The following RPSA2 variants were observed in gnomAD, a reference collection of about 807,000 sequenced individuals.
RPSA2 encodes small ribosomal subunit protein uS2B.
the RPSA2 span, among the ~76,000 whole-genome samples, chr19:23,870,206 T>C: frequency 6.6e-6 from 1 of 152,202 alleles, no homozygotes; most frequent in Non-Finnish European, 1.5e-5. Flanking sequence ...TCTGCTGTAA[T>C]GTCCTCTGTA....
chr19:23,834,487 C>T, the RPSA2 span, among the ~76,000 whole-genome samples: 2 of 151,792 alleles, frequency 1.3e-5, no homozygotes, highest in African/African-American at 4.8e-5. Context: ...AGTAGAGAGG[C>T]TCTTTGTGGT....
At chr19:23,797,959 A>G in the RPSA2 span, among the ~76,000 whole-genome samples, 1 of 152,154 alleles carries the variant, frequency 6.6e-6, no homozygotes, top group Non-Finnish European at 1.5e-5. Flanking sequence ...TCTTACTAAA[A>G]TCTCTTTTCT....
chr19:23,762,394 G>T, the RPSA2 span, among the ~76,000 whole-genome samples: 2 of 151,822 alleles, frequency 1.3e-5, no homozygotes, highest in South Asian at 2.1e-4. Context: ...TGTCCAAATG[G>T]GCAGGGCGCG....
chr19:23,799,826 A>G, the RPSA2 span, among the ~76,000 whole-genome samples: 1 of 152,260 alleles, frequency 6.6e-6, no homozygotes, highest in African/African-American at 2.4e-5. Context: ...GTCATTGAAT[A>G]TAACCAATTA....
the RPSA2 span, among the ~76,000 whole-genome samples, chr19:23,823,205 C>T: frequency 1.3e-5 from 2 of 152,194 alleles, no homozygotes; most frequent in African/African-American, 4.8e-5. Flanking sequence ...TCTTAAAGTT[C>T]CTTAACATAC....
the RPSA2 span, among the ~76,000 whole-genome samples, chr19:23,848,502 T>C: frequency 0.98 from 148,887 of 152,222 alleles, 72,906 homozygotes; most frequent in Middle Eastern, 1. Flanking sequence ...TGATCTAATG[T>C]ATAACTCCAG....
the RPSA2 span, among the ~76,000 whole-genome samples, chr19:23,761,931 T>TCCTTCCTTCCTTCCTTCCTTCC: frequency 1.6e-5 from 1 of 61,694 alleles, no homozygotes; most frequent in African/African-American, 7.5e-5. Flanking sequence ...TTTTTTTTTT[T>TCCTTCCTTCCTTCCTTCCTTCC]TTTTGAGATG....
the RPSA2 span, among the ~76,000 whole-genome samples, chr19:23,794,831 C>T: frequency 6.6e-6 from 1 of 152,104 alleles, no homozygotes; most frequent in African/African-American, 2.4e-5. Flanking sequence ...ATAAATATTT[C>T]AGCCTTTAAT....
At chr19:23,832,284 T>G in the RPSA2 span, 1 of 452,304 alleles carries the variant, frequency 2.2e-6, no homozygotes, top group South Asian at 1.7e-5. Context: ...ATAAGAGAAT[T>G]CATACTAGAG....
the RPSA2 span, among the ~76,000 whole-genome samples, chr19:23,778,343 G>A: frequency 6.6e-6 from 1 of 152,300 alleles, no homozygotes; most frequent in South Asian, 2.1e-4. Context: ...CTCCCAAGTA[G>A]CTGGGATTAC....
chr19:23,829,370 T>C, the RPSA2 span, among the ~76,000 whole-genome samples: 2 of 152,268 alleles, frequency 1.3e-5, no homozygotes, highest in African/African-American at 4.8e-5. Context: ...GCATTGATCT[T>C]GGCTCACCGC....
the RPSA2 span, among the ~76,000 whole-genome samples, chr19:23,797,161 G>T: frequency 2.6e-5 from 4 of 152,182 alleles, no homozygotes; most frequent in East Asian, 5.8e-4. Flanking sequence ...CCCAGGCCAA[G>T]TGCAATGGCA....
At chr19:23,781,903 G>A in the RPSA2 span, among the ~76,000 whole-genome samples, 1 of 152,124 alleles carries the variant, frequency 6.6e-6, no homozygotes, top group Non-Finnish European at 1.5e-5. Flanking sequence ...CCAGACCCTT[G>A]GTAATGTGAT....
At chr19:23,848,182 T>C in the RPSA2 span, among the ~76,000 whole-genome samples, 7 of 152,194 alleles carry the variant, frequency 4.6e-5, no homozygotes, top group African/African-American at 1.7e-4. Context: ...TATAAGAGTA[T>C]TATTTGGGAA....
chr19:23,860,566 G>T, the RPSA2 span, among the ~76,000 whole-genome samples: 3 of 152,122 alleles, frequency 2.0e-5, no homozygotes, highest in East Asian at 5.8e-4. Context: ...CTGGTACCAG[G>T]TGTAGATGTC....
the RPSA2 span, among the ~76,000 whole-genome samples, chr19:23,790,151 A>T: frequency 7.2e-5 from 11 of 152,070 alleles, no homozygotes; most frequent in African/African-American, 2.7e-4. Flanking sequence ...GGCGCCCGCC[A>T]CTGTGCCCGG....
chr19:23,863,770 GAAAT>G, the RPSA2 span, among the ~76,000 whole-genome samples: 2 of 152,108 alleles, frequency 1.3e-5, no homozygotes, highest in Admixed American at 1.3e-4. Flanking sequence ...AGATAATAAT[GAAAT>G]AATCTCTAAA....
chr19:23,779,829 A>T, the RPSA2 span, among the ~76,000 whole-genome samples: 1 of 152,202 alleles, frequency 6.6e-6, no homozygotes, highest in Admixed American at 6.5e-5. Context: ...GGCCCCAGCC[A>T]CCAAGTGATG....
chr19:23,805,466 GA>G, the RPSA2 span, among the ~76,000 whole-genome samples: 1 of 152,124 alleles, frequency 6.6e-6, no homozygotes, highest in Non-Finnish European at 1.5e-5. Context: ...CCCAGCTGCA[GA>G]GAAACTTATA....
Sources: allele counts gnomAD v4.1 joint callset (sites outside exome capture counted in the v4.1 genomes callset), GRCh38; gene constraint gnomAD v4.1.1; transcripts MANE v1.5; gene names NCBI Gene and HGNC (gene_info 2026-07-23, HGNC 2026-07-21).